Variants in DCC observed in about 807,000 individuals in gnomAD.
DCC encodes netrin receptor DCC.
In DCC, 58 loss-of-function variants were observed where a neutral mutation model predicts 172.5. The ratio of observed to expected loss-of-function variants is 0.34; its 90% CI spans 0.27 to 0.42. The LOEUF (loss-of-function observed/expected upper bound fraction) is 0.42, where lower values mean the gene tolerates loss of function less well. DCC is among the 10% of genes least tolerant of loss of function. The pLI is 1.00. For missense variants in DCC, 1,740 were observed against 1,791.0 expected (o/e 0.97, Z 0.51); for synonymous variants, 709 against 644.5 (o/e 1.10, Z -1.52).
chr18:52,995,952 C>G (rs1261953397), intron 5 of DCC, among the ~76,000 whole-genome samples: 1 of 151,532 alleles, frequency 6.6e-6, no homozygotes, highest in Non-Finnish European at 1.5e-5. Context: ...GGACTCTTTC[C>G]TCTATTTTTC....
chr18:53,021,481 A>C (rs1329838416), intron 5 of DCC, among the ~76,000 whole-genome samples: 3 of 152,212 alleles, frequency 2.0e-5, no homozygotes, highest in Non-Finnish European at 2.9e-5. Flanking sequence ...GGAAACTGTG[A>C]AATACCATAC....
chr18:52,782,585 A>G (rs1325091229), intron 2 of DCC, among the ~76,000 whole-genome samples: 1 of 152,064 alleles, frequency 6.6e-6, no homozygotes, highest in Non-Finnish European at 1.5e-5. Flanking sequence ...AAGGACTTGC[A>G]TTCAATCCCA....
intron 1 of DCC, among the ~76,000 whole-genome samples, chr18:52,497,310 T>TACAC (rs1568198600): frequency 1.1e-5 from 1 of 88,338 alleles, no homozygotes; most frequent in African/African-American, 3.8e-5. Flanking sequence ...TATATATATA[T>TACAC]ATATACACAC....
At chr18:53,028,725 C>T (rs376521259) in intron 5 of DCC, among the ~76,000 whole-genome samples, 83 of 152,230 alleles carry the variant, frequency 5.5e-4, no homozygotes, top group African/African-American at 2.0e-3. Flanking sequence ...ACAATACTTC[C>T]ACTGGACTTT....
intron 1 of DCC, among the ~76,000 whole-genome samples, chr18:52,677,466 T>A (rs943077775): frequency 8.6e-5 from 13 of 152,030 alleles, no homozygotes; most frequent in African/African-American, 1.7e-4. Flanking sequence ...CCATCCCTGG[T>A]TCTGTGATGC....
At chr18:52,925,212 G>A (rs898785666) in intron 4 of DCC, 22 bp from the exon 5 acceptor site, 1 of 1,609,756 alleles carries the variant, frequency 6.2e-7, no homozygotes, top group Non-Finnish European at 8.5e-7. Context: ...AATTTACTCT[G>A]CACCTTCCCT....
chr18:52,593,969 T>C (rs936571309), intron 1 of DCC, among the ~76,000 whole-genome samples: 11 of 152,170 alleles, frequency 7.2e-5, no homozygotes, highest in Admixed American at 4.6e-4. Context: ...TTCCAGTGGA[T>C]GTAAAAACCT....
intron 1 of DCC, among the ~76,000 whole-genome samples, chr18:52,499,095 T>A (rs2030920550): frequency 6.6e-6 from 1 of 152,186 alleles, no homozygotes; most frequent in East Asian, 1.9e-4. Flanking sequence ...GCTGCTTAAA[T>A]TTGGCCTTAT....
intron 1 of DCC, among the ~76,000 whole-genome samples, chr18:52,586,455 C>T (rs767227859): frequency 2.6e-5 from 4 of 152,120 alleles, no homozygotes; most frequent in Admixed American, 2.0e-4. Flanking sequence ...CACTGCAACT[C>T]CCTTCTTAGC....
chr18:53,342,154 G>A (rs1296099363), intron 15 of DCC, among the ~76,000 whole-genome samples: 1 of 151,986 alleles, frequency 6.6e-6, no homozygotes, highest in Non-Finnish European at 1.5e-5. Flanking sequence ...GAGAGAGCAA[G>A]ACTTCTAAAC....
intron 5 of DCC, among the ~76,000 whole-genome samples, chr18:52,962,565 G>A (rs1282946721): frequency 2.0e-5 from 3 of 151,918 alleles, no homozygotes; most frequent in Non-Finnish European, 2.9e-5. Context: ...CAGGGATCTA[G>A]AACTAGAAAT....
intron 1 of DCC, among the ~76,000 whole-genome samples, chr18:52,631,980 C>G (rs1214764629): frequency 6.6e-6 from 1 of 152,164 alleles, no homozygotes; most frequent in Non-Finnish European, 1.5e-5. Flanking sequence ...TCTCTCCAAT[C>G]CAAAGCCTTC....
intron 24 of DCC, among the ~76,000 whole-genome samples, chr18:53,466,427 C>T (rs2045621916): frequency 6.6e-6 from 1 of 152,108 alleles, no homozygotes; most frequent in Non-Finnish European, 1.5e-5. Flanking sequence ...AATAGCTTTG[C>T]TAGAAAGTAT....
At chr18:53,257,029 A>T (rs1461503758) in intron 12 of DCC, among the ~76,000 whole-genome samples, 2 of 152,186 alleles carry the variant, frequency 1.3e-5, no homozygotes, top group South Asian at 2.1e-4. Flanking sequence ...TTATTGGTGT[A>T]TAAGAATGCT....
At chr18:53,385,954 G>C (rs1908132536) in intron 15 of DCC, 89 bp from the exon 16 acceptor site, 3 of 883,454 alleles carry the variant, frequency 3.4e-6, no homozygotes, top group Non-Finnish European at 5.7e-6. Context: ...TAGATTATAT[G>C]AAATTTGTTT....
At chr18:52,957,210 A>G (rs949907853) in intron 5 of DCC, among the ~76,000 whole-genome samples, 1 of 152,138 alleles carries the variant, frequency 6.6e-6, no homozygotes, top group African/African-American at 2.4e-5. Flanking sequence ...ATGGAACCTT[A>G]ATGACCTATC....
chr18:52,828,170 C>T (rs528141532), intron 2 of DCC, among the ~76,000 whole-genome samples: 16 of 152,252 alleles, frequency 1.1e-4, no homozygotes, highest in East Asian at 3.9e-4. Context: ...CTACATACTA[C>T]GGGATGCAAC....
At chr18:53,530,414 T>C (rs1202742235) in intron 28 of DCC, 150 bp from the exon 29 acceptor site, 1 of 717,924 alleles carries the variant, frequency 1.4e-6, no homozygotes, top group African/African-American at 1.7e-5. Context: ...GCATCTTCAT[T>C]CAGTGAGTAT....
intron 5 of DCC, among the ~76,000 whole-genome samples, chr18:53,034,695 T>C (rs1216222202): frequency 2.2e-5 from 3 of 138,638 alleles, no homozygotes; most frequent in African/African-American, 8.6e-5. Flanking sequence ...ACTTATCTGC[T>C]CCAACTTTTT....
Sources: gnomAD v4.1 joint callset for allele counts (sites outside exome capture counted in the v4.1 genomes callset) on GRCh38, gnomAD v4.1.1 for gene constraint, MANE v1.5 for transcripts, NCBI Gene and HGNC (gene_info 2026-07-23, HGNC 2026-07-21) for gene names.